Variants in PRDM5 observed in about 807,000 individuals in gnomAD.
The protein encoded by PRDM5 is PR/SET domain 5, also known as PR domain zinc finger protein 5.
PRDM5 carries 56 observed loss-of-function variants against 81.2 expected under a neutral mutation model. That is an observed-to-expected ratio of 0.69 (90% CI 0.56 to 0.86). The LOEUF is 0.86. Among genes scored for constraint, PRDM5 ranks in the 40% least tolerant of loss-of-function variants. The pLI is 0.00. For synonymous variants in PRDM5, 267 were observed against 256.4 expected (o/e 1.04, Z -0.39); for missense variants, 697 against 770.1 (o/e 0.91, Z 1.12).
At chr4:120,765,422 T>A (rs1287967511) in intron 13 of PRDM5, among the ~76,000 whole-genome samples, 1 of 152,198 alleles carries the variant, frequency 6.6e-6, no homozygotes, top group African/African-American at 2.4e-5. Context: ...GAACAACTGA[T>A]GGAATTCATG....
At chr4:120,847,422 T>A (rs939875555) in intron 3 of PRDM5, among the ~76,000 whole-genome samples, 1 of 151,978 alleles carries the variant, frequency 6.6e-6, no homozygotes, top group Non-Finnish European at 1.5e-5. Context: ...AGAGCCCCAG[T>A]TCAGTGGTGA....
chr4:120,856,017 A>G (rs1759838291), intron 2 of PRDM5, among the ~76,000 whole-genome samples: 1 of 152,216 alleles, frequency 6.6e-6, no homozygotes. Flanking sequence ...TCTGTGACTT[A>G]TTATAGTAAG....
intron 14 of PRDM5, among the ~76,000 whole-genome samples, 198 bp from the exon 15 acceptor site, chr4:120,710,611 C>G (rs1203463554): frequency 6.6e-6 from 1 of 152,076 alleles, no homozygotes; most frequent in Non-Finnish European, 1.5e-5. Context: ...TGGGAAGGAC[C>G]TGATGGGAGG....
intron 13 of PRDM5, among the ~76,000 whole-genome samples, chr4:120,768,829 T>C (rs564626890): frequency 3.9e-5 from 6 of 152,310 alleles, no homozygotes; most frequent in African/African-American, 1.4e-4. Flanking sequence ...TATTCCCTCA[T>C]TTAAGCACTG....
intron 1 of PRDM5, among the ~76,000 whole-genome samples, chr4:120,909,133 C>T (rs1343254355): frequency 1.3e-5 from 2 of 152,154 alleles, no homozygotes; most frequent in African/African-American, 4.8e-5. Context: ...AAATAGCTTG[C>T]TTGATTAAGG....
chr4:120,871,824 A>G (rs1761831499), intron 2 of PRDM5, among the ~76,000 whole-genome samples: 1 of 151,716 alleles, frequency 6.6e-6, no homozygotes, highest in African/African-American at 2.4e-5. Flanking sequence ...CTTCTGTGCC[A>G]TGTTGATAGG....
At chr4:120,849,906 C>T (rs1277208224) in intron 3 of PRDM5, among the ~76,000 whole-genome samples, 1 of 152,072 alleles carries the variant, frequency 6.6e-6, no homozygotes, top group Non-Finnish European at 1.5e-5. Flanking sequence ...TAGTTGGAAA[C>T]TTTTCAGAAG....
chr4:120,863,197 C>T (rs2597551), intron 2 of PRDM5, among the ~76,000 whole-genome samples: 24 of 134,654 alleles, frequency 1.8e-4, no homozygotes, highest in South Asian at 1.4e-3. Context: ...TATATACACA[C>T]ACACACACAC....
At chr4:120,813,666 A>G (rs1754135647) in intron 7 of PRDM5, among the ~76,000 whole-genome samples, 1 of 152,194 alleles carries the variant, frequency 6.6e-6, no homozygotes, top group Non-Finnish European at 1.5e-5. Context: ...CCCAGGCAAA[A>G]TGAATATCTG....
At chr4:120,767,836 G>A (rs1176833430) in intron 13 of PRDM5, among the ~76,000 whole-genome samples, 1 of 152,156 alleles carries the variant, frequency 6.6e-6, no homozygotes, top group Non-Finnish European at 1.5e-5. Flanking sequence ...GATCTTTGCT[G>A]TGCTGTTCTT....
chr4:120,797,687 C>T (rs556323472), intron 10 of PRDM5, among the ~76,000 whole-genome samples: 78 of 152,192 alleles, frequency 5.1e-4, no homozygotes, highest in Non-Finnish European at 7.8e-4. Context: ...TTCATTATGT[C>T]GAAAAGATGC....
At chr4:120,687,749 T>C (rs555838944), downstream of PRDM5, among the ~76,000 whole-genome samples, 2 of 152,234 alleles carry the variant, frequency 1.3e-5, no homozygotes, top group Admixed American at 1.3e-4. Flanking sequence ...TCTGCCCTTA[T>C]GAGTGAATTA....
rs1230710148 is a variant in PRDM5, at chr4:120,742,540, A to T, written c.1623+12013T>A. 1.3e-5 allele frequency among the ~76,000 whole-genome samples: 2 copies of T among 151,910 alleles called. 1 individual carries two copies. Among genetic ancestry groups the T allele is most frequent in the South Asian group, 4.1e-4 (2 of 4,832 alleles). ...AAGTTGAAAACTTTGAAAAAAATTT[A>T]GAAGAATGTATAACTAGAATAACCA... On this transcript the variant is annotated intron_variant, in intron 14 of 15. Coordinates refer to ENST00000264808, the MANE Select transcript of PRDM5 (RefSeq NM_018699.4).
At chr4:120,688,602 T>G (rs1484955606), downstream of PRDM5, among the ~76,000 whole-genome samples, 3 of 152,148 alleles carry the variant, frequency 2.0e-5, no homozygotes, top group African/African-American at 7.2e-5. Flanking sequence ...AGTTTTAAAG[T>G]TTTGGGTTTT....
At chr4:120,905,883 T>A (rs1186594668) in intron 2 of PRDM5, among the ~76,000 whole-genome samples, 1 of 152,160 alleles carries the variant, frequency 6.6e-6, no homozygotes, top group Non-Finnish European at 1.5e-5. Context: ...CAATGCAATG[T>A]TTCAGTCAAC....
At chr4:120,752,574 C>G (rs188464517) in intron 14 of PRDM5, among the ~76,000 whole-genome samples, 1 of 152,158 alleles carries the variant, frequency 6.6e-6, no homozygotes, top group East Asian at 1.9e-4. Context: ...AATCGAGGTT[C>G]AGAAATTCAA....
chr4:120,698,425 A>C (rs997639982), intron 15 of PRDM5, among the ~76,000 whole-genome samples: 1 of 151,952 alleles, frequency 6.6e-6, no homozygotes, highest in South Asian at 2.1e-4. Context: ...CCCTTCCTCC[A>C]TCCTAACTAA....
chr4:120,720,078 C>T (rs956770040), intron 14 of PRDM5, among the ~76,000 whole-genome samples: 2 of 152,108 alleles, frequency 1.3e-5, no homozygotes, highest in African/African-American at 4.8e-5. Flanking sequence ...AAAACCTGGC[C>T]CTTCTCTCCC....
chr4:120,809,311 G>A (rs1325741115), intron 8 of PRDM5, among the ~76,000 whole-genome samples: 1 of 152,020 alleles, frequency 6.6e-6, no homozygotes, highest in Non-Finnish European at 1.5e-5. Flanking sequence ...GTCAATGGGT[G>A]CAGCACAACA....
Sources: gnomAD v4.1 joint callset for allele counts (sites outside exome capture counted in the v4.1 genomes callset) on GRCh38, gnomAD v4.1.1 for gene constraint, MANE v1.5 for transcripts, NCBI Gene and HGNC (gene_info 2026-07-23, HGNC 2026-07-21) for gene names.